The following DRC2 variants were observed in gnomAD, a reference collection of about 807,000 sequenced individuals.
DRC2 encodes the protein dynein regulatory complex subunit 2.
At chr12:48,911,803 C>G in the DRC2 span, among the ~76,000 whole-genome samples, 1 of 151,958 alleles carries the variant, frequency 6.6e-6, no homozygotes, top group South Asian at 2.1e-4. Flanking sequence ...TGTTCATTAG[C>G]TTGAGTATTT....
chr12:48,912,437 C>A, the DRC2 span, among the ~76,000 whole-genome samples: 88 of 45,264 alleles, frequency 1.9e-3, no homozygotes, highest in African/African-American at 6.0e-3. Flanking sequence ...GACGCCGTCT[C>A]AAAAAAAAAA....
At chr12:48,912,300 G>A in the DRC2 span, among the ~76,000 whole-genome samples, 1 of 150,932 alleles carries the variant, frequency 6.6e-6, no homozygotes, top group Non-Finnish European at 1.5e-5. Context: ...CATAGTGGCG[G>A]GCTCCTGTAG....
the DRC2 span, chr12:48,916,879 C>T: frequency 1.2e-5 from 15 of 1,248,244 alleles, no homozygotes; most frequent in Non-Finnish European, 1.6e-5. Context: ...GAGTTTGTAC[C>T]ATTCACATAG....
chr12:48,916,858 T>A, the DRC2 span: 1 of 935,996 alleles, frequency 1.1e-6, no homozygotes, highest in Non-Finnish European at 1.6e-6. Flanking sequence ...CTTTTCTCCA[T>A]CAGTACCTAA....
At chr12:48,904,912 G>A in the DRC2 span, 1 of 1,540,558 alleles carries the variant, frequency 6.5e-7, no homozygotes, top group Non-Finnish European at 8.8e-7. Context: ...GAAAGGCCCT[G>A]ACTTCCTGGA....
At chr12:48,917,356 T>A in the DRC2 span, among the ~76,000 whole-genome samples, 1 of 145,540 alleles carries the variant, frequency 6.9e-6, no homozygotes, top group Non-Finnish European at 1.5e-5. Context: ...CCAAGCTACT[T>A]AAGAGGCTGA....
the DRC2 span, among the ~76,000 whole-genome samples, chr12:48,915,223 A>G: frequency 6.6e-6 from 1 of 150,578 alleles, no homozygotes; most frequent in East Asian, 1.9e-4. Context: ...CAAGTGAACA[A>G]AGGTCTCTGG....
chr12:48,910,327 C>T, the DRC2 span, among the ~76,000 whole-genome samples: 297 of 152,322 alleles, frequency 1.9e-3, no homozygotes, highest in Admixed American at 0.017. Flanking sequence ...CCTCAACATC[C>T]AGCACAGTGC....
chr12:48,919,426 G>A, the DRC2 span, among the ~76,000 whole-genome samples: 28 of 152,158 alleles, frequency 1.8e-4, no homozygotes, highest in African/African-American at 6.7e-4. Flanking sequence ...TCAAACTCCT[G>A]GCCTCAGACG....
chr12:48,914,367 A>G, the DRC2 span: 5 of 1,549,492 alleles, frequency 3.2e-6, no homozygotes, highest in Non-Finnish European at 4.4e-6. Flanking sequence ...CAGAGATGCT[A>G]TTCAGCTGGA....
At chr12:48,921,335 G>A in the DRC2 span, 1 of 1,614,174 alleles carries the variant, frequency 6.2e-7, no homozygotes. Flanking sequence ...GTGACGAAGT[G>A]CTGAGCCAGC....
At chr12:48,908,115 A>C in the DRC2 span, among the ~76,000 whole-genome samples, 1 of 152,028 alleles carries the variant, frequency 6.6e-6, no homozygotes, top group Non-Finnish European at 1.5e-5. Context: ...AAATTATTTT[A>C]ATTTTTAGTA....
chr12:48,918,864 T>C, the DRC2 span: 32 of 1,613,868 alleles, frequency 2.0e-5, no homozygotes, highest in Middle Eastern at 1.6e-4. Flanking sequence ...CCCTGGAAAG[T>C]AATGCCACCC....
the DRC2 span, among the ~76,000 whole-genome samples, chr12:48,916,610 C>A: frequency 6.6e-6 from 1 of 151,102 alleles, no homozygotes; most frequent in East Asian, 2.0e-4. Flanking sequence ...GAGAGGGAGA[C>A]CATGGGGAGA....
chr12:48,905,616 A>G, the DRC2 span, among the ~76,000 whole-genome samples: 1 of 152,154 alleles, frequency 6.6e-6, no homozygotes, highest in Non-Finnish European at 1.5e-5. Context: ...CTGGATTTCT[A>G]AGCAATTCAA....
the DRC2 span, among the ~76,000 whole-genome samples, chr12:48,916,457 A>G: frequency 6.6e-6 from 1 of 151,578 alleles, no homozygotes; most frequent in African/African-American, 2.4e-5. Context: ...AAAACCAGTC[A>G]GGCGTGGAGG....
At chr12:48,916,859 C>G in the DRC2 span, 1 of 936,842 alleles carries the variant, frequency 1.1e-6, no homozygotes, top group African/African-American at 1.6e-5. Context: ...TTTTCTCCAT[C>G]AGTACCTAAG....
At chr12:48,914,778 G>A in the DRC2 span, among the ~76,000 whole-genome samples, 1 of 151,952 alleles carries the variant, frequency 6.6e-6, no homozygotes, top group Admixed American at 6.6e-5. Context: ...CTCACGTCAG[G>A]TCCCTGTCTG....
At chr12:48,918,953 C>T in the DRC2 span, 1 of 1,456,872 alleles carries the variant, frequency 6.9e-7, no homozygotes, top group Non-Finnish European at 9.6e-7. Context: ...ACCTGCCTCC[C>T]TGCAAAGTGA....
Sources: gnomAD v4.1 joint callset for allele counts (sites outside exome capture counted in the v4.1 genomes callset) on GRCh38, gnomAD v4.1.1 for gene constraint, MANE v1.5 for transcripts, NCBI Gene and HGNC (gene_info 2026-07-23, HGNC 2026-07-21) for gene names.